The following ABHD17A variants were observed in gnomAD, a reference collection of about 807,000 sequenced individuals.
ABHD17A encodes abhydrolase domain containing 17A, depalmitoylase.
A neutral mutation model predicts 26.8 loss-of-function variants in ABHD17A; 10 were observed. The ratio of observed to expected loss-of-function variants is 0.37; its 90% CI spans 0.23 to 0.63. ABHD17A has a LOEUF of 0.63. ABHD17A is among the 30% of genes least tolerant of loss of function. The pLI, the probability that ABHD17A is intolerant of heterozygous loss-of-function variation, is 0.61. For synonymous variants in ABHD17A, 167 were observed against 210.9 expected (o/e 0.79, Z 1.80); for missense variants, 292 against 457.3 (o/e 0.64, Z 3.30).
Position 1,880,052 on chromosome 19 carries a change from A to C in ABHD17A, c.396T>G (p.Ile132Met), listed in dbSNP as rs545677149. The change falls in exon 3 of 5, where the codon ATT becomes ATG. Residue 132 changes from isoleucine (I) to methionine (M), a missense_variant. Coordinates refer to ENST00000292577, the MANE Select transcript of ABHD17A (RefSeq NM_001130111.2). This position sits in a 1 kb window ranked among gnomAD's most constrained non-coding sequence, Gnocchi z 4.1. ...TGCAGTGGAGGCGGGAGCCCAGGCC[A>C]ATGTAGAAGCTGCTCATCTGGCCCA... ...VDLGQMSSFY[I>M]GLGSRLHCNI... 2.8e-5 allele frequency: 45 copies of C among 1,613,146 alleles called. No individual in the cohort carries two copies. The South Asian group carries it at 4.6e-4, about 17-fold the overall frequency.
rs1238411167 is a variant in ABHD17A, at chr19:1,880,124, G to A, written c.333-9C>T. 4.3e-6 allele frequency: 7 copies of A among 1,612,330 alleles called. No individual in the cohort carries two copies. Among genetic ancestry groups the A allele is most frequent in the Non-Finnish European group, 5.1e-6 (6 of 1,179,782 alleles). On this transcript the variant is annotated splice_polypyrimidine_tract_variant and intron_variant, in intron 2 of 4. Transcript: ENST00000292577. This position sits in a 1 kb window ranked among gnomAD's most constrained non-coding sequence, Gnocchi z 4.1. ...AGAAGAGGACCGTGTACCTGGGACA[G>A]GCCGAGAAGGGCCGTTCACATCCTC...
rs761945064 is a variant in ABHD17A, at chr19:1,881,239, C to T, written c.328G>A (p.Ala110Thr). The T allele has an allele frequency of 2.5e-6, 4 of 1,610,876 alleles. No individual in the cohort carries two copies. Among genetic ancestry groups the T allele is most frequent in the Admixed American group, 1.7e-5 (1 of 59,980 alleles). The change falls in exon 2 of 5, where the codon GCC becomes ACC. Residue 110 changes from alanine to threonine, a missense_variant. Ala to Thr is a moderately conservative substitution (Grantham distance 58, BLOSUM62 0). Coordinates refer to ENST00000292577, the MANE Select transcript of ABHD17A (RefSeq NM_001130111.2). ...GGCGCGGCCACAGCTGCTCACCTGG[C>T]ACCAGGCACGCAGCGAACATACATG... ...SCMYVRCVPG[A>T]RYTVLFSHGN...
At position 1,881,449 on chromosome 19, in the gene ABHD17A, C is replaced by T. The variant is rs776856083; in HGVS notation, c.118G>A (p.Glu40Lys). The T allele has an allele frequency of 1.2e-6, 2 of 1,602,966 alleles. No homozygotes were observed. The highest frequency in any genetic ancestry group is 1.7e-6 in the Non-Finnish European group (2 of 1,178,372). Residue 40 changes from glutamate (E) to lysine (K), a missense_variant, in exon 2 of 5, where the codon GAG becomes AAG. Glu to Lys is a moderately conservative substitution (Grantham distance 56). Coordinates refer to ENST00000292577, the MANE Select transcript of ABHD17A (RefSeq NM_001130111.2). ...GCCCCACCAGGCCCCGGCTCGGGCT[C>T]AGGCACCAGGGAGTAGGTGGCCTCC... ...PPEATYSLVP[E>K]PEPGPGGAGA...
rs1476801476 is a variant in ABHD17A at position 1,879,848 on chromosome 19, C to T, written c.527+73G>A. The T allele has an allele frequency of 1.6e-5, 24 of 1,464,968 alleles. 1 individual carries two copies. In the East Asian group the frequency reaches 4.7e-4, roughly 29 times the overall value. 90.7% of individuals were successfully genotyped at this position (1,464,968 alleles called of 1,614,324 possible). On this transcript the variant is annotated intron_variant, in intron 3 of 4. Transcript: ENST00000292577. The surrounding 1 kb of genome is among the most constrained non-coding windows in gnomAD (Gnocchi z 7.6). ...GCCGCCCACCTTCCTCCCAGGGAAG[C>T]CCGCCCCCCGGCCCCCCGCCTGGTC...
At position 1,881,424 on chromosome 19, in the gene ABHD17A, G is replaced by A. The variant is rs749302669; in HGVS notation, c.143C>T (p.Ala48Val). 1.2e-6 allele frequency: 2 copies of A among 1,601,780 alleles called. No individual in the cohort carries two copies. The highest frequency in any genetic ancestry group is 1.7e-5 in the Admixed American group (1 of 59,800). Residue 48 changes from alanine (A) to valine (V), a missense_variant, in exon 2 of 5, where the codon GCC becomes GTC. By Grantham distance (64) the Ala-to-Val change is moderately conservative. Coordinates refer to ENST00000292577, the MANE Select transcript of ABHD17A (RefSeq NM_001130111.2). ...VPEPEPGPGG[A>V]GAAPLGTLRA... ...CAGGGTCCCCAAGGGGGCGGCCCCG[G>A]CCCCACCAGGCCCCGGCTCGGGCTC... is the stretch of plus-strand genomic sequence containing the variant.
chr19:1,880,221 T>C lies in ABHD17A; in HGVS notation c.333-106A>G, dbSNP rs2012485463. On this transcript the variant is annotated intron_variant, in intron 2 of 4. Coordinates refer to ENST00000292577, the MANE Select transcript of ABHD17A (RefSeq NM_001130111.2). The surrounding 1 kb of genome is among the most constrained non-coding windows in gnomAD (Gnocchi z 4.1). ...CACCCCGGTGGCCAGCCATGCCCAG[T>C]GCCTCATTTACTCCCCTCCCAAGGG... The C allele has an allele frequency of 6.5e-6, 8 of 1,227,708 alleles. No homozygotes were observed. The Admixed American group carries it at 1.3e-4, about 19-fold the overall frequency. The allele number at this position is 1,227,708 out of a possible 1,614,324, so 76.1% of individuals were successfully genotyped here.
rs1265093282 is a variant in ABHD17A at position 1,879,527 on chromosome 19, G to A, written c.527+394C>T. ...CAGTCCTCCGGACCTGGATGCAGCA[G>A]CCTCGCCTCACTTGGCCCCAAGTGC... On this transcript the variant is annotated intron_variant, in intron 3 of 4. Transcript: ENST00000292577. This position sits in a 1 kb window ranked among gnomAD's most constrained non-coding sequence, Gnocchi z 7.6. The A allele has an allele frequency of 1.0e-5, 3 of 296,204 alleles. No individual in the cohort carries two copies. The highest frequency in any genetic ancestry group is 2.0e-5 in the Non-Finnish European group (3 of 152,814). The allele number at this position is 296,204 out of a possible 1,614,324, so 18.3% of individuals were successfully genotyped here.
At position 1,880,840 on chromosome 19, in the gene ABHD17A, G is replaced by A; in HGVS notation, c.332+395C>T. ...TCCAGTTCCCCCAGGCCCCCACCTA[G>A]CCCAGCCAGAAGGTAAAGGCTCGCC... On this transcript the variant is annotated intron_variant, in intron 2 of 4. Coordinates refer to ENST00000292577, the MANE Select transcript of ABHD17A (RefSeq NM_001130111.2). This position sits in a 1 kb window ranked among gnomAD's most constrained non-coding sequence, Gnocchi z 4.1. 6.2e-7 allele frequency: 1 copy of A among 1,604,778 alleles called. No homozygotes were observed. The highest frequency in any genetic ancestry group is 8.5e-7 in the Non-Finnish European group (1 of 1,174,690).
chr19:1,881,623 G>C lies in ABHD17A; in HGVS notation c.-57C>G. The C allele has an allele frequency of 6.9e-7, 1 of 1,446,016 alleles. No homozygotes were observed. The highest frequency in any genetic ancestry group is 9.0e-7 in the Non-Finnish European group (1 of 1,109,264). 89.6% of individuals were successfully genotyped at this position (1,446,016 alleles called of 1,614,324 possible). A position where few individuals can be genotyped will look rare whatever the true frequency, so the allele number is the denominator to read the frequency against. ...GGGCCCCCGCCAACAACGCCGCCCG[G>C]CCTGGCCCGGCAGGGGAGGGGTGGG... On this transcript the variant is annotated 5_prime_UTR_variant, in exon 2 of 5. Transcript: ENST00000292577.
chr19:1,877,565 C>T lies in ABHD17A; in HGVS notation c.650G>A (p.Gly217Asp). The T allele has an allele frequency of 6.3e-7, 1 of 1,595,520 alleles. No individual in the cohort carries two copies. The highest frequency in any genetic ancestry group is 8.5e-7 in the Non-Finnish European group (1 of 1,179,032). The part of the protein sequence containing the change: ...AVVLHSPLTS[G>D]MRVAFPDTKK... ...GGTGTCGGGGAAGGCGACGCGCATG[C>T]CCGAGGTGAGCGGCGAGTGCAGCAC... is the stretch of plus-strand genomic sequence containing the variant. Residue 217 changes from glycine (G) to aspartate (D), a missense_variant, in exon 4 of 5, where the codon GGC (glycine) becomes GAC (aspartate). Gly to Asp is a moderately conservative substitution (Grantham distance 94). Transcript: ENST00000292577.
In ABHD17A at chr19:1,879,780, G is replaced by A; in HGVS notation, c.527+141C>T. 6.0e-6 allele frequency: 5 copies of A among 830,222 alleles called. No individual in the cohort carries two copies. The highest frequency in any genetic ancestry group is 7.4e-6 in the Non-Finnish European group (4 of 540,602). The allele number at this position is 830,222 out of a possible 1,614,324, so 51.4% of individuals were successfully genotyped here. ...CTGCACACCCAAGCTCGCCTGTCCG[G>A]CTCTCTGGCCCTGTGCATCCACTGT... On this transcript the variant is annotated intron_variant, in intron 3 of 4. Transcript: ENST00000292577. This position sits in a 1 kb window ranked among gnomAD's most constrained non-coding sequence, Gnocchi z 7.6.
intron 2 of ABHD17A, 93 bp downstream of exon 2, chr19:1,881,142 C>T (rs969500411): frequency 3.8e-6 from 6 of 1,566,358 alleles, no homozygotes; most frequent in African/African-American, 1.3e-5. Context: ...CTCGGGCCCT[C>T]GGGGGCACCA....
rs2012371518 is a variant in ABHD17A, at chr19:1,876,929, A to G, written c.*271T>C. 8.3e-6 allele frequency: 4 copies of G among 480,004 alleles called. No individual in the cohort carries two copies. The South Asian group carries it at 8.9e-5, about 11-fold the overall frequency. 29.7% of individuals were successfully genotyped at this position (480,004 alleles called of 1,614,324 possible). A position where few individuals can be genotyped will look rare whatever the true frequency, so the allele number is the denominator to read the frequency against. ...CCCCGGCCCCCTTTCGAGCTCGCTG[A>G]GCGCTCGAGAGAGTGAGCAGAGCCA... On this transcript the variant is annotated 3_prime_UTR_variant, in exon 5 of 5. Coordinates refer to ENST00000292577, the MANE Select transcript of ABHD17A (RefSeq NM_001130111.2).
intron 1 of ABHD17A, among the ~76,000 whole-genome samples, 170 bp downstream of exon 1, chr19:1,885,182 C>T (rs1416318272): frequency 6.6e-6 from 1 of 152,134 alleles, no homozygotes. Context: ...TTCCCAATCA[C>T]AGACGCTCAT....
rs1452865008 is a variant in ABHD17A at position 1,877,409 on chromosome 19, T to A, written c.724A>T (p.Lys242Ter). Residue 242 changes from lysine to a stop codon, truncating the protein, a stop_gained, in exon 5 of 5, where the codon AAG becomes TAG. Transcript: ENST00000292577. LOFTEE classifies it high-confidence loss of function. Reference sequence around the variant, plus strand: ...ATGATGAGCACGGGAGACGTGATCTTGGACACCTTCTCGATGCTGCGGGAG... The same window carrying A: ...ATGATGAGCACGGGAGACGTGATCTAGGACACCTTCTCGATGCTGCGGGAG... ...DAFPNIEKVS[K>*]ITSPVLIIHG... 1 of 1,568,104 alleles carries A rather than the reference T, an allele frequency of 6.4e-7. No homozygotes were observed. The highest frequency in any genetic ancestry group is 8.6e-7 in the Non-Finnish European group (1 of 1,163,954).
At chr19:1,883,481 G>A (rs747833637) in intron 1 of ABHD17A, 9 of 152,314 alleles carry the variant, frequency 5.9e-5, no homozygotes, top group Non-Finnish European at 1.2e-4. Flanking sequence ...CTGCAGTTTA[G>A]GTGGCATCAT....
intron 1 of ABHD17A, among the ~76,000 whole-genome samples, chr19:1,883,990 GCCTCTGCT>G (rs2012609394): frequency 6.6e-6 from 1 of 152,012 alleles, no homozygotes; most frequent in African/African-American, 2.4e-5. Flanking sequence ...GCCCCTTCCT[GCCTCTGCT>G]CCTCTGCCAG....
At chr19:1,884,016 C>T (rs539160755) in intron 1 of ABHD17A, among the ~76,000 whole-genome samples, 10 of 152,140 alleles carry the variant, frequency 6.6e-5, no homozygotes, top group Non-Finnish European at 1.2e-4. Flanking sequence ...CAGGAACTCC[C>T]TTCCCCAACC....
At position 1,880,028 on chromosome 19, in the gene ABHD17A, G is replaced by A; in HGVS notation, c.420C>T (p.Cys140=). 2 of 1,613,256 alleles carry A rather than the reference G, an allele frequency of 1.2e-6. No homozygotes were observed. The highest frequency in any genetic ancestry group is 1.7e-6 in the Non-Finnish European group (2 of 1,180,006). The change falls in exon 3 of 5, where the codon TGC becomes TGT. Residue 140 remains cysteine, a synonymous_variant. Transcript: ENST00000292577. The surrounding 1 kb of genome is among the most constrained non-coding windows in gnomAD (Gnocchi z 4.1). Reference sequence around the variant, plus strand: ...CGGAGTAGTCGTAGGAGAAGATGTTGCAGTGGAGGCGGGAGCCCAGGCCAA... The same window carrying A: ...CGGAGTAGTCGTAGGAGAAGATGTTACAGTGGAGGCGGGAGCCCAGGCCAA... ...FYIGLGSRLH[C]NIFSYDYSGY...
Sources: allele counts gnomAD v4.1 joint callset (sites outside exome capture counted in the v4.1 genomes callset), GRCh38; gene constraint gnomAD v4.1.1; non-coding constraint Gnocchi (gnomAD v3.1); transcripts MANE v1.5; gene names NCBI Gene and HGNC (gene_info 2026-07-23, HGNC 2026-07-21).